Variants in SLC17A5 observed in about 807,000 individuals in gnomAD.
The protein encoded by SLC17A5 is sialin.
A neutral mutation model predicts 59.4 loss-of-function variants in SLC17A5; 47 were observed. The observed-to-expected ratio is 0.79, with a 90% CI of 0.63 to 1.01. The LOEUF (loss-of-function observed/expected upper bound fraction) is 1.01. Ranked by LOEUF, SLC17A5 falls within the 50% of genes least tolerant of loss-of-function variation. The probability of loss-of-function intolerance (pLI) is 0.00; values close to 1 mark genes in which losing one functional copy is unlikely to be tolerated. For synonymous variants in SLC17A5, 202 were observed against 210.7 expected, an observed-to-expected ratio of 0.96 and a Z score of 0.36; for missense variants, 522 against 595.5, an observed-to-expected ratio of 0.88 and a Z score of 1.28.
intron 6 of SLC17A5, among the ~76,000 whole-genome samples, chr6:73,629,832 T>C (rs1048897212): frequency 6.6e-6 from 1 of 152,026 alleles, no homozygotes; most frequent in African/African-American, 2.4e-5. Context: ...AGCAGATATA[T>C]AGGAAAGAAC....
chr6:73,602,299 T>TGCGGAAC (rs1767170734), intron 9 of SLC17A5, among the ~76,000 whole-genome samples: 2 of 146,564 alleles, frequency 1.4e-5, no homozygotes, highest in South Asian at 4.3e-4. Flanking sequence ...ACACAAACAC[T>TGCGGAAC]GCGGAACGCC....
chr6:73,605,400 C>A (rs903515), intron 9 of SLC17A5, among the ~76,000 whole-genome samples: 16,310 of 151,874 alleles, frequency 0.11, 1,055 homozygotes, highest in Middle Eastern at 0.18. Context: ...TAACTAGTAG[C>A]GTATTACACT....
intron 7 of SLC17A5, among the ~76,000 whole-genome samples, chr6:73,616,498 G>A (rs186171798): frequency 6.0e-4 from 88 of 146,066 alleles, no homozygotes; most frequent in African/African-American, 2.0e-3. Context: ...AAAATTTATC[G>A]GTGCCCAGTA....
At chr6:73,638,561 G>T in intron 3 of SLC17A5, 62 bp from the exon 4 acceptor site, 2 of 1,258,702 alleles carry the variant, frequency 1.6e-6, no homozygotes, top group Non-Finnish European at 2.3e-6. Flanking sequence ...ATGCTTTAAA[G>T]TAAGTTAAGT....
At chr6:73,627,629 G>A (rs1000929088) in intron 6 of SLC17A5, among the ~76,000 whole-genome samples, 1 of 144,204 alleles carries the variant, frequency 6.9e-6, no homozygotes, top group East Asian at 2.0e-4. Context: ...AATTATGAAA[G>A]CATTTTTTTT....
At chr6:73,652,731 A>G (rs532218881) in intron 1 of SLC17A5, among the ~76,000 whole-genome samples, 4 of 100,898 alleles carry the variant, frequency 4.0e-5, no homozygotes, top group African/African-American at 1.2e-4. Context: ...GTTGACTAAA[A>G]TAAGCTCCCG....
chr6:73,642,304 C>CA (rs1400033224), intron 2 of SLC17A5, among the ~76,000 whole-genome samples: 1 of 152,066 alleles, frequency 6.6e-6, no homozygotes, highest in Non-Finnish European at 1.5e-5. Context: ...CTCCCCCTCC[C>CA]AAAAAAAGAG....
chr6:73,603,133 A>G (rs1172677761), intron 9 of SLC17A5, among the ~76,000 whole-genome samples: 1 of 151,910 alleles, frequency 6.6e-6, no homozygotes, highest in Non-Finnish European at 1.5e-5. Flanking sequence ...TGCTTGTTCC[A>G]TTAATTACAT....
chr6:73,615,881 T>TTTTTTG lies in SLC17A5; in HGVS notation c.979-435_979-434insCAAAAA, dbSNP rs1491255564. The stretch of plus-strand genomic sequence containing the variant: ...ATAAACATAGCTTAATGAATCATTC[T>TTTTTTG]TTTTTTTTTTTTTTTTTTTTTTGAG... On this transcript the variant is annotated intron_variant, in intron 7 of 10. Coordinates refer to ENST00000355773, the MANE Select transcript of SLC17A5 (RefSeq NM_012434.5). Among the ~76,000 whole-genome samples, 72 of 55,816 alleles carry TTTTTTG rather than the reference T, an allele frequency of 1.3e-3. 2 individuals are homozygous for TTTTTTG. Among genetic ancestry groups the TTTTTTG allele is most frequent in the Admixed American group, 5.1e-3 (26 of 5,102 alleles). The allele number at this position is 55,816 out of a possible 152,430, so 36.6% of individuals were successfully genotyped here. A position where few individuals can be genotyped will look rare whatever the true frequency, so the allele number is the denominator to read the frequency against.
chr6:73,620,303 T>C (rs1768081323), intron 7 of SLC17A5, among the ~76,000 whole-genome samples: 1 of 151,908 alleles, frequency 6.6e-6, no homozygotes, highest in Non-Finnish European at 1.5e-5. Flanking sequence ...CAATGCACAG[T>C]TGAATGCAAT....
In SLC17A5 at chr6:73,595,801, T is replaced by C. The variant is rs368506243; in HGVS notation, c.1351-587A>G. ...AATCTCGGCTCACTGCAGCCTCCAC[T>C]TTCTGGGCTGAGGCAATCCTCCCAA... On this transcript the variant is annotated intron_variant, in intron 10 of 10. Coordinates refer to ENST00000355773, the MANE Select transcript of SLC17A5 (RefSeq NM_012434.5). Among the ~76,000 whole-genome samples, 6 of 151,816 alleles carry C rather than the reference T, an allele frequency of 4.0e-5. No homozygotes were observed. The East Asian group carries it at 5.8e-4, about 15-fold the overall frequency.
chr6:73,653,316 G>A, intron 1 of SLC17A5: 3 of 985,462 alleles, frequency 3.0e-6, no homozygotes, highest in Non-Finnish European at 3.6e-6. Flanking sequence ...CGGTGACAGG[G>A]AAGGACAGCC....
At chr6:73,645,840 T>C (rs1364235836) in intron 1 of SLC17A5, among the ~76,000 whole-genome samples, 1 of 138,554 alleles carries the variant, frequency 7.2e-6, no homozygotes, top group Non-Finnish European at 1.6e-5. Flanking sequence ...GAGGAACCAA[T>C]AAAAGGATCA....
intron 6 of SLC17A5, among the ~76,000 whole-genome samples, chr6:73,630,875 C>CAATTTTTTTACCTGTTCCTTAAG (rs1561995824): frequency 6.6e-6 from 1 of 151,802 alleles, no homozygotes; most frequent in African/African-American, 2.4e-5. Flanking sequence ...GGAGAAACCC[C>CAATTTTTTTACCTGTTCCTTAAG]GTTTCTACTA....
At chr6:73,610,702 T>C (rs368006182) in intron 8 of SLC17A5, among the ~76,000 whole-genome samples, 155 bp from the exon 9 acceptor site, 1 of 148,702 alleles carries the variant, frequency 6.7e-6, no homozygotes, top group Admixed American at 6.8e-5. Flanking sequence ...AAAAAAAAAA[T>C]GCTGGAAAAC....
chr6:73,595,582 A>T (rs1384280536), intron 10 of SLC17A5, among the ~76,000 whole-genome samples: 1 of 152,202 alleles, frequency 6.6e-6, no homozygotes, highest in East Asian at 1.9e-4. Context: ...AAGGAAAAAT[A>T]GGAGGAAATG....
intron 1 of SLC17A5, chr6:73,645,419 A>C: frequency 1.0e-6 from 1 of 985,380 alleles, no homozygotes; most frequent in Non-Finnish European, 1.2e-6. Flanking sequence ...AGCATCTGTG[A>C]CAGTTGCTCA....
intron 6 of SLC17A5, among the ~76,000 whole-genome samples, chr6:73,626,538 G>A (rs912442215): frequency 3.3e-5 from 5 of 152,134 alleles, no homozygotes; most frequent in African/African-American, 1.2e-4. Context: ...AATGTTACTA[G>A]GAGAAACTAT....
chr6:73,645,488 T>C (rs1302908810), intron 1 of SLC17A5: 1 of 984,920 alleles, frequency 1.0e-6, no homozygotes, highest in Non-Finnish European at 1.2e-6. Context: ...TGTACCACCA[T>C]GATTAAAAAA....
Sources: gnomAD v4.1 joint callset for allele counts (sites outside exome capture counted in the v4.1 genomes callset) on GRCh38, gnomAD v4.1.1 for gene constraint, MANE v1.5 for transcripts, NCBI Gene and HGNC (gene_info 2026-07-23, HGNC 2026-07-21) for gene names.